Variants in NDST4 observed in about 807,000 individuals in gnomAD.
NDST4 encodes N-deacetylase and N-sulfotransferase 4, also known as N-heparan sulfate sulfotransferase 4.
Under a neutral mutation model 100.8 loss-of-function variants are expected in NDST4, and 63 were observed. The ratio of observed to expected loss-of-function variants is 0.62; its 90% CI spans 0.51 to 0.77. The LOEUF is 0.77. NDST4 is among the 30% of genes least tolerant of loss of function. The pLI is 0.00. For missense variants in NDST4, 943 were observed against 1,018.4 expected, an observed-to-expected ratio of 0.93 and a Z score of 1.01; for synonymous variants, 377 against 361.8, an observed-to-expected ratio of 1.04 and a Z score of -0.48.
intron 11 of NDST4, among the ~76,000 whole-genome samples, chr4:114,833,921 G>A (rs1203414822): frequency 6.6e-6 from 1 of 152,140 alleles, no homozygotes; most frequent in Non-Finnish European, 1.5e-5. Context: ...CATTTCTTGT[G>A]AATTATCAAG....
chr4:114,920,315 T>C lies in NDST4; in HGVS notation c.1536+14891A>G, dbSNP rs142018360. 1.7e-3 allele frequency among the ~76,000 whole-genome samples: 252 copies of C among 152,270 alleles called. 3 individuals carry two copies. The highest frequency in any genetic ancestry group is 5.7e-3 in the African/African-American group (238 of 41,560). On this transcript the variant is annotated intron_variant, in intron 6 of 13. Transcript: ENST00000264363. ...CAGGCCATGTAGGAAGCTCTGTCTATATAGATTTGATTTCTTGAGCAAGTT... is the reference window on the plus strand; with the variant it reads ...CAGGCCATGTAGGAAGCTCTGTCTACATAGATTTGATTTCTTGAGCAAGTT...
At chr4:115,040,169 T>C (rs1728320757) in intron 2 of NDST4, among the ~76,000 whole-genome samples, 1 of 151,478 alleles carries the variant, frequency 6.6e-6, no homozygotes. Context: ...TCTTTGAAAA[T>C]ATGCAACTTG....
chr4:115,108,221 G>C (rs551094019), intron 1 of NDST4, among the ~76,000 whole-genome samples: 1 of 152,032 alleles, frequency 6.6e-6, no homozygotes, highest in East Asian at 1.9e-4. Context: ...ACCTTTCCTT[G>C]CATTAATCTT....
intron 3 of NDST4, among the ~76,000 whole-genome samples, chr4:114,971,464 A>T (rs1323480558): frequency 6.6e-6 from 1 of 152,106 alleles, no homozygotes; most frequent in Non-Finnish European, 1.5e-5. Flanking sequence ...CCACAAATGA[A>T]ATGATAGAGT....
At chr4:115,050,668 G>T (rs772986709) in intron 2 of NDST4, among the ~76,000 whole-genome samples, 4 of 152,040 alleles carry the variant, frequency 2.6e-5, no homozygotes, top group Non-Finnish European at 5.9e-5. Context: ...TATCTTGCTT[G>T]GTTATTGTGT....
At chr4:115,042,502 A>C (rs118164144) in intron 2 of NDST4, among the ~76,000 whole-genome samples, 2 of 152,262 alleles carry the variant, frequency 1.3e-5, no homozygotes, top group East Asian at 3.9e-4. Context: ...GAGAGACTAC[A>C]TTCACATAAC....
chr4:115,014,225 C>G (rs1288500110), intron 2 of NDST4, among the ~76,000 whole-genome samples: 1 of 152,076 alleles, frequency 6.6e-6, no homozygotes, highest in African/African-American at 2.4e-5. Context: ...ATGGCTATAT[C>G]AACTCTCCAG....
At chr4:114,975,539 G>A (rs992783864) in intron 3 of NDST4, among the ~76,000 whole-genome samples, 5 of 152,064 alleles carry the variant, frequency 3.3e-5, no homozygotes, top group African/African-American at 1.2e-4. Context: ...CCCAGTGGTT[G>A]TGTACTCTAT....
intron 2 of NDST4, among the ~76,000 whole-genome samples, chr4:115,038,471 C>T (rs1390594169): frequency 6.6e-6 from 1 of 152,112 alleles, no homozygotes; most frequent in Non-Finnish European, 1.5e-5. Flanking sequence ...TGGGGATAAA[C>T]AGCCTAAGTC....
chr4:114,882,424 G>A (rs746154804), intron 6 of NDST4, among the ~76,000 whole-genome samples: 1 of 152,080 alleles, frequency 6.6e-6, no homozygotes, highest in Non-Finnish European at 1.5e-5. Flanking sequence ...GCCTCCCTGA[G>A]AAGTGCAGCA....
chr4:114,872,909 C>T (rs528234617), intron 6 of NDST4, among the ~76,000 whole-genome samples: 6 of 151,924 alleles, frequency 3.9e-5, no homozygotes, highest in South Asian at 4.1e-4. Flanking sequence ...GTTTGACATC[C>T]GTCATTTTTT....
At chr4:114,985,150 C>A (rs1726871310) in intron 2 of NDST4, among the ~76,000 whole-genome samples, 1 of 152,170 alleles carries the variant, frequency 6.6e-6, no homozygotes, top group East Asian at 1.9e-4. Flanking sequence ...AAAGTTTGAA[C>A]TGTAGGGATC....
chr4:115,088,648 G>C (rs541673405), intron 1 of NDST4, among the ~76,000 whole-genome samples: 2 of 150,084 alleles, frequency 1.3e-5, no homozygotes, highest in African/African-American at 4.9e-5. Flanking sequence ...CCCCACTCCC[G>C]CCCCCAATCC....
At chr4:114,980,873 C>T (rs979574682) in intron 2 of NDST4, among the ~76,000 whole-genome samples, 1 of 151,972 alleles carries the variant, frequency 6.6e-6, no homozygotes, top group African/African-American at 2.4e-5. Flanking sequence ...ATAAACATAA[C>T]TTCCATTAAT....
intron 13 of NDST4, among the ~76,000 whole-genome samples, chr4:114,829,151 T>C (rs1723142361): frequency 6.6e-6 from 1 of 152,136 alleles, no homozygotes; most frequent in Non-Finnish European, 1.5e-5. Context: ...CACCTTGCCA[T>C]AAGAGAAATA....
At chr4:115,038,612 G>A (rs1211755461) in intron 2 of NDST4, among the ~76,000 whole-genome samples, 1 of 152,132 alleles carries the variant, frequency 6.6e-6, no homozygotes, top group African/African-American at 2.4e-5. Flanking sequence ...TATTTTCAAA[G>A]AAGTAAAGGA....
At position 114,871,032 on chromosome 4, in the gene NDST4, A is replaced by G. The variant is rs1578355523; in HGVS notation, c.1537-82T>C. 3 of 926,326 alleles carry G rather than the reference A, an allele frequency of 3.2e-6. No individual in the cohort carries two copies. The East Asian group carries it at 9.0e-5, about 28-fold the overall frequency. The allele number at this position is 926,326 out of a possible 1,614,324, so 57.4% of individuals were successfully genotyped here. A position where few individuals can be genotyped will look rare whatever the true frequency, so the allele number is the denominator to read the frequency against. On this transcript the variant is annotated intron_variant, in intron 6 of 13. Transcript: ENST00000264363. Reference sequence around the variant, plus strand: ...CAGTACAAGCCCCAGGCAGCACCTCACCTCACCTTGGAATTTCACAAGAAG... The same window carrying G: ...CAGTACAAGCCCCAGGCAGCACCTCGCCTCACCTTGGAATTTCACAAGAAG...
At chr4:115,102,704 C>CTTTTTTTTTTTTTT (rs751431042) in intron 1 of NDST4, among the ~76,000 whole-genome samples, 12 of 90,572 alleles carry the variant, frequency 1.3e-4, no homozygotes, top group African/African-American at 1.9e-4. Flanking sequence ...TTCTGACTTC[C>CTTTTTTTTTTTTTT]TTTTTTTTTT....
chr4:114,883,421 A>G (rs1724413045), intron 6 of NDST4, among the ~76,000 whole-genome samples: 2 of 152,058 alleles, frequency 1.3e-5, no homozygotes, highest in African/African-American at 4.8e-5. Context: ...TATATTGTCA[A>G]CTCTGGGCAA....
Sources: gnomAD v4.1 joint callset for allele counts (sites outside exome capture counted in the v4.1 genomes callset) on GRCh38, gnomAD v4.1.1 for gene constraint, MANE v1.5 for transcripts, NCBI Gene and HGNC (gene_info 2026-07-23, HGNC 2026-07-21) for gene names.